LILRA2: variants seen among roughly 807,000 people sequenced by gnomAD.
LILRA2 encodes the protein leukocyte immunoglobulin like receptor A2.
A neutral mutation model predicts 47.9 loss-of-function variants in LILRA2; 45 were observed. That is an observed-to-expected ratio of 0.94 (90% confidence interval 0.74 to 1.20). The LOEUF (loss-of-function observed/expected upper bound fraction) is 1.20. Ranked by LOEUF, LILRA2 falls within the 50% of genes most tolerant of loss-of-function variation. The pLI is 0.00. For missense variants in LILRA2, 651 were observed against 598.2 expected (o/e 1.09, Z -0.92); for synonymous variants, 279 against 249.2 (o/e 1.12, Z -1.13).
chr19:54,575,629 C>G, intron 5 of LILRA2, 77 bp downstream of exon 5: 1 of 1,399,088 alleles, frequency 7.1e-7, no homozygotes, highest in Non-Finnish European at 9.6e-7. Flanking sequence ...TGGTGATGGC[C>G]GGAATGAGGG....
At position 54,577,244 on chromosome 19, in the gene LILRA2, T is replaced by C. The variant is rs993277619; in HGVS notation, c.1255+1135T>C. Among the ~76,000 whole-genome samples the C allele has an allele frequency of 3.0e-3, 455 of 151,862 alleles. No homozygotes were observed. In the South Asian group the frequency reaches 0.062, roughly 21 times the overall value. ...GTCTCCAATTTTCTACCAAAATCAATAGCTGGCACAGCTCTGCAGGACCCC... is the reference window on the plus strand; with the variant it reads ...GTCTCCAATTTTCTACCAAAATCAACAGCTGGCACAGCTCTGCAGGACCCC... On this transcript the variant is annotated intron_variant, in intron 6 of 7. Coordinates refer to ENST00000391738, the MANE Select transcript of LILRA2 (RefSeq NM_001130917.3).
At position 54,587,036 on chromosome 19, in the gene LILRA2, C is replaced by T. The variant is rs747393229; in HGVS notation, c.1282C>T (p.Gln428Ter). 2 of 1,613,526 alleles carry T rather than the reference C, an allele frequency of 1.2e-6. No homozygotes were observed. Among genetic ancestry groups the T allele is most frequent in the East Asian group, 2.2e-5 (1 of 44,872 alleles). The change falls in exon 7 of 8, where the codon CAA (glutamine) becomes TAA (stop). Residue 428 changes from glutamine to a stop codon, truncating the protein, a stop_gained. Transcript: ENST00000391738. LOFTEE classifies it low-confidence loss of function (END_TRUNC). Reference sequence around the variant, plus strand: ...AGCAGCTGAGACCCTCAGCCCATCACAAAACAAGACAGACTCCACGACTAG... The same window carrying T: ...AGCAGCTGAGACCCTCAGCCCATCATAAAACAAGACAGACTCCACGACTAG... ...SEAAETLSPS[Q>*]NKTDSTTTSL...
At position 54,577,098 on chromosome 19, in the gene LILRA2, T is replaced by G. The variant is rs1033439244; in HGVS notation, c.1255+989T>G. ...GGAGATGGGGGCAGGTGCATGCAGT[T>G]TTACCCATCCCTCCTGGAATCTCAG... On this transcript the variant is annotated intron_variant, in intron 6 of 7. Coordinates refer to ENST00000391738, the MANE Select transcript of LILRA2 (RefSeq NM_001130917.3). 2.8e-3 allele frequency among the ~76,000 whole-genome samples: 425 copies of G among 152,126 alleles called. No individual in the cohort carries two copies. The South Asian group carries it at 0.057, about 20-fold the overall frequency.
chr19:54,576,468 G>A (rs1413378270), intron 6 of LILRA2, among the ~76,000 whole-genome samples: 1 of 142,592 alleles, frequency 7.0e-6, no homozygotes, highest in African/African-American at 2.6e-5. Flanking sequence ...TGACCCCATG[G>A]GTGACAAAAC....
At chr19:54,579,593 C>CT (rs950381010) in intron 6 of LILRA2, among the ~76,000 whole-genome samples, 5 of 151,922 alleles carry the variant, frequency 3.3e-5, no homozygotes, top group Admixed American at 1.3e-4. Context: ...GCAATGCGGG[C>CT]TTTTTTTTGG....
intron 6 of LILRA2, among the ~76,000 whole-genome samples, chr19:54,585,403 G>C (rs1015591822): frequency 6.6e-6 from 1 of 152,224 alleles, no homozygotes; most frequent in Non-Finnish European, 1.5e-5. Context: ...GGAATCTGTA[G>C]AGGCAGTAGG....
In LILRA2 at chr19:54,587,503, CTG is replaced by C; in HGVS notation, c.*159_*160del. 1 of 1,211,400 alleles carries C rather than the reference CTG, an allele frequency of 8.3e-7. No individual in the cohort carries two copies. The highest frequency in any genetic ancestry group is 1.1e-6 in the Non-Finnish European group (1 of 886,304). 75.0% of individuals were successfully genotyped at this position (1,211,400 alleles called of 1,614,324 possible). A position where few individuals can be genotyped will look rare whatever the true frequency, so the allele number is the denominator to read the frequency against. ...CAATCAATATTTGAGTGTAAGGAAA[CTG>C]TCTGGGGTGATTCCTAGAAGATCAT... On this transcript the variant is annotated 3_prime_UTR_variant, in exon 8 of 8. Transcript: ENST00000391738.
intron 6 of LILRA2, among the ~76,000 whole-genome samples, chr19:54,581,966 TG>T (rs1434997024): frequency 6.6e-6 from 1 of 152,206 alleles, no homozygotes; most frequent in Non-Finnish European, 1.5e-5. Context: ...CCGAGTTTAT[TG>T]AGAGTTTTTA....
At chr19:54,578,013 T>A (rs2062525672) in intron 6 of LILRA2, among the ~76,000 whole-genome samples, 1 of 151,976 alleles carries the variant, frequency 6.6e-6, no homozygotes, top group Non-Finnish European at 1.5e-5. Flanking sequence ...CTTAATGAAT[T>A]TAAGACATGT....
At position 54,573,794 on chromosome 19, in the gene LILRA2, G is replaced by C. The variant is rs1318676138; in HGVS notation, c.-85G>C. On this transcript the variant is annotated 5_prime_UTR_variant, in exon 1 of 8. Transcript: ENST00000391738. The stretch of plus-strand genomic sequence containing the variant: ...CCATGACAAGAAGGATCCAGCCTCC[G>C]AGTGTCCACACCCTGTGCGTCTCTC... The C allele has an allele frequency of 1.5e-6, 1 of 654,156 alleles. No individual in the cohort carries two copies. Among genetic ancestry groups the C allele is most frequent in the Non-Finnish European group, 2.3e-6 (1 of 439,412 alleles). The allele number at this position is 654,156 out of a possible 1,614,324, so 40.5% of individuals were successfully genotyped here.
At position 54,587,698 on chromosome 19, in the gene LILRA2, C is replaced by G. The variant is rs147959175; in HGVS notation, c.*352C>G. On this transcript the variant is annotated 3_prime_UTR_variant, in exon 8 of 8. Coordinates refer to ENST00000391738, the MANE Select transcript of LILRA2 (RefSeq NM_001130917.3). ...GGCATGTGACACAGTCTTCCTTATT[C>G]CTCATTGTCACACTCCTTGATGTCA... 1 of 291,034 alleles carries G rather than the reference C, an allele frequency of 3.4e-6. No individual in the cohort carries two copies. The highest frequency in any genetic ancestry group is 2.1e-5 in the African/African-American group (1 of 47,110). The allele number at this position is 291,034 out of a possible 1,614,324, so 18.0% of individuals were successfully genotyped here. A position where few individuals can be genotyped will look rare whatever the true frequency, so the allele number is the denominator to read the frequency against.
intron 6 of LILRA2, among the ~76,000 whole-genome samples, chr19:54,577,965 C>A (rs1487397508): frequency 6.6e-6 from 1 of 151,888 alleles, no homozygotes; most frequent in Non-Finnish European, 1.5e-5. Context: ...TCATTAATAT[C>A]AACTCTTCCT....
chr19:54,574,444 C>A lies in LILRA2; in HGVS notation c.214C>A (p.Arg72=). The part of the protein sequence containing the change: ...RENKSASWVR[R]IQEPGKNGQF... The stretch of plus-strand genomic sequence containing the variant: ...AAACAAATCAGCATCCTGGGTTAGA[C>A]GGATACAAGAGCCTGGGAAGAATGG... The change falls in exon 3 of 8, where the codon CGG becomes AGG. Residue 72 remains arginine, a synonymous_variant. Transcript: ENST00000391738. The A allele has an allele frequency of 1.2e-6, 2 of 1,614,074 alleles. No individual in the cohort carries two copies. The highest frequency in any genetic ancestry group is 1.7e-6 in the Non-Finnish European group (2 of 1,179,992).
At position 54,587,475 on chromosome 19, in the gene LILRA2, CAGCA is replaced by C; in HGVS notation, c.*131_*134del. 2 of 1,386,260 alleles carry C rather than the reference CAGCA, an allele frequency of 1.4e-6. No individual in the cohort carries two copies. The highest frequency in any genetic ancestry group is 4.9e-5 in the East Asian group (2 of 40,840). The allele number at this position is 1,386,260 out of a possible 1,614,324, so 85.9% of individuals were successfully genotyped here. A position where few individuals can be genotyped will look rare whatever the true frequency, so the allele number is the denominator to read the frequency against. On this transcript the variant is annotated 3_prime_UTR_variant, in exon 8 of 8. Transcript: ENST00000391738. ...ACTGTATGCTGGTCATTTCTAGAGA[CAGCA>C]ATCAATATTTGAGTGTAAGGAAACT...
rs776375961 is a variant in LILRA2, at chr19:54,575,583, C to A, written c.952+31C>A. Reference sequence around the variant, plus strand: ...GAGCCCAGCGGGTTCAGTCAGGGACCCAGGCTCTGCACAGGCCCTGCCAGG... The same window carrying A: ...GAGCCCAGCGGGTTCAGTCAGGGACACAGGCTCTGCACAGGCCCTGCCAGG... On this transcript the variant is annotated intron_variant, in intron 5 of 7. Coordinates refer to ENST00000391738, the MANE Select transcript of LILRA2 (RefSeq NM_001130917.3). 37 of 1,608,444 alleles carry A rather than the reference C, an allele frequency of 2.3e-5. No homozygotes were observed. In the African/African-American group the frequency reaches 3.3e-4, roughly 15 times the overall value.
chr19:54,577,771 A>G (rs1031445548), intron 6 of LILRA2: 1 of 1,134,034 alleles, frequency 8.8e-7, no homozygotes. Context: ...TCTACTCTGC[A>G]TTTTCTGTAT....
chr19:54,574,398 G>A lies in LILRA2; in HGVS notation c.168G>A (p.Glu56=), dbSNP rs764793593. ...TLRCQGSLQA[E]EYHLYRENKS... Reference sequence around the variant, plus strand: ...GGTGTCAGGGGAGCCTTCAGGCTGAGGAGTACCATCTATATAGGGAAAACA... The same window carrying A: ...GGTGTCAGGGGAGCCTTCAGGCTGAAGAGTACCATCTATATAGGGAAAACA... Residue 56 remains glutamate, a synonymous_variant, in exon 3 of 8, where the codon GAG becomes GAA. Transcript: ENST00000391738. 1 of 1,614,166 alleles carries A rather than the reference G, an allele frequency of 6.2e-7. No individual in the cohort carries two copies. The highest frequency in any genetic ancestry group is 1.7e-5 in the Admixed American group (1 of 60,018).
intron 4 of LILRA2, 89 bp downstream of exon 4, chr19:54,575,122 A>T (rs1023205663): frequency 6.4e-7 from 1 of 1,563,982 alleles, no homozygotes; most frequent in Non-Finnish European, 8.7e-7. Context: ...GGGCAGCTCC[A>T]GGTGGGATGA....
chr19:54,583,609 C>G (rs1235413779), intron 6 of LILRA2, among the ~76,000 whole-genome samples: 1 of 141,750 alleles, frequency 7.1e-6, no homozygotes, highest in Non-Finnish European at 1.5e-5. Context: ...TTTTTTTTTT[C>G]TTTCCATTTG....
Sources: gnomAD v4.1 joint callset for allele counts (sites outside exome capture counted in the v4.1 genomes callset) on GRCh38, gnomAD v4.1.1 for gene constraint, MANE v1.5 for transcripts, NCBI Gene and HGNC (gene_info 2026-07-23, HGNC 2026-07-21) for gene names.